The following DTL variants were observed in gnomAD, a reference collection of about 807,000 sequenced individuals.
DTL encodes the protein denticleless E3 ubiquitin protein ligase adapter, also known as denticleless protein homolog.
A neutral mutation model predicts 87.0 loss-of-function variants in DTL; 46 were observed. The observed-to-expected ratio is 0.53, with a 90% CI of 0.42 to 0.68. The LOEUF is 0.68. Ranked by LOEUF, DTL falls within the 30% of genes least tolerant of loss-of-function variation. The pLI is 0.00. For missense variants in DTL, 737 were observed against 869.4 expected, an observed-to-expected ratio of 0.85 and a Z score of 1.91; for synonymous variants, 308 against 311.2, an observed-to-expected ratio of 0.99 and a Z score of 0.11.
chr1:212,101,330 T>C (rs758421868), intron 14 of DTL, among the ~76,000 whole-genome samples: 6 of 152,234 alleles, frequency 3.9e-5, no homozygotes, highest in Non-Finnish European at 7.3e-5. Context: ...TGCTGTATTT[T>C]ATCTGGCAAC....
chr1:212,078,502 C>A (rs952012848), intron 12 of DTL, among the ~76,000 whole-genome samples: 1 of 152,074 alleles, frequency 6.6e-6, no homozygotes, highest in South Asian at 2.1e-4. Flanking sequence ...ACAGTTATTT[C>A]TTTCCTAAAT....
At position 212,104,308 on chromosome 1, in the gene DTL, T is replaced by C. The variant is rs935500844; in HGVS notation, c.*1368T>C. ...AAAATCTATTCTGACAACTTTTTAATTCCTTTGATCTTATAAGTTAAAGCT... is the reference window on the plus strand; with the variant it reads ...AAAATCTATTCTGACAACTTTTTAACTCCTTTGATCTTATAAGTTAAAGCT... On this transcript the variant is annotated 3_prime_UTR_variant, in exon 15 of 15. Transcript: ENST00000366991. 5 of 132,078 alleles carry C rather than the reference T, an allele frequency of 3.8e-5. No homozygotes were observed. The highest frequency in any genetic ancestry group is 8.3e-5 in the Non-Finnish European group (5 of 59,976). 8.2% of individuals were successfully genotyped at this position (132,078 alleles called of 1,614,324 possible).
chr1:212,068,026 C>T (rs913929466), intron 8 of DTL, among the ~76,000 whole-genome samples, 198 bp from the exon 9 acceptor site: 13 of 152,082 alleles, frequency 8.5e-5, no homozygotes, highest in African/African-American at 3.1e-4. Context: ...CATCTGTTTC[C>T]GTTCTGTCAG....
intron 5 of DTL, among the ~76,000 whole-genome samples, chr1:212,048,324 G>C (rs1667865988): frequency 6.6e-6 from 1 of 152,030 alleles, no homozygotes; most frequent in African/African-American, 2.4e-5. Flanking sequence ...AAGTACCTGG[G>C]AGGGATTACA....
intron 1 of DTL, among the ~76,000 whole-genome samples, chr1:212,036,868 G>T (rs1206493865): frequency 1.3e-5 from 2 of 152,158 alleles, no homozygotes; most frequent in African/African-American, 4.8e-5. Context: ...TGTGGAAAAC[G>T]AACCTGAGAA....
chr1:212,053,148 A>C lies in DTL; in HGVS notation c.460+5731A>C, dbSNP rs556267496. ...GTTCTATTTTTCTCTCTCTTCTTCA[A>C]ATTGAATGATTTCTATTAATTTGTC... is the stretch of plus-strand genomic sequence containing the variant. On this transcript the variant is annotated intron_variant, in intron 5 of 14. Transcript: ENST00000366991. 2.7e-4 allele frequency among the ~76,000 whole-genome samples: 41 copies of C among 152,142 alleles called. 1 individual carries two copies. The East Asian group carries it at 3.5e-3, about 13-fold the overall frequency.
intron 13 of DTL, 83 bp downstream of exon 13, chr1:212,080,833 C>G: frequency 2.1e-6 from 3 of 1,439,846 alleles, no homozygotes; most frequent in Non-Finnish European, 1.9e-6. Flanking sequence ...TAGATTTGAT[C>G]TTGCTTTGGT....
Position 212,103,448 on chromosome 1 carries a change from G to A in DTL, c.*508G>A, listed in dbSNP as rs1655684278. 6.6e-6 allele frequency: 1 copy of A among 151,956 alleles called. No homozygotes were observed. The highest frequency in any genetic ancestry group is 2.4e-5 in the African/African-American group (1 of 41,342). The allele number at this position is 151,956 out of a possible 1,614,324, so 9.4% of individuals were successfully genotyped here. A position where few individuals can be genotyped will look rare whatever the true frequency, so the allele number is the denominator to read the frequency against. On this transcript the variant is annotated 3_prime_UTR_variant, in exon 15 of 15. Coordinates refer to ENST00000366991, the MANE Select transcript of DTL (RefSeq NM_016448.4). ...TAATCTTTTCACTATGCTTTTGTGG[G>A]GTTTTTTTTAAGTATGTGTAAAAAT...
At chr1:212,037,331 A>G (rs540430385) in intron 1 of DTL, among the ~76,000 whole-genome samples, 17 of 152,314 alleles carry the variant, frequency 1.1e-4, no homozygotes, top group African/African-American at 3.9e-4. Context: ...AAATCTATAG[A>G]ATCATCTCCT....
chr1:212,078,128 A>G, intron 11 of DTL, 45 bp from the exon 12 acceptor site: 1 of 1,210,014 alleles, frequency 8.3e-7, no homozygotes, highest in Non-Finnish European at 1.2e-6. Flanking sequence ...CTATCTGGGA[A>G]ATCTAATATT....
rs2102521659 is a variant in DTL at position 212,038,484 on chromosome 1, T to G, written c.52+2542T>G. On this transcript the variant is annotated intron_variant, in intron 1 of 14. Transcript: ENST00000366991. ...AAACCTGCCAGAAACCTGAGTAAAT[T>G]AAAGACTTCTTCATCTTCCTCACAG... Among the ~76,000 whole-genome samples the G allele has an allele frequency of 1.3e-5, 2 of 152,372 alleles. 1 individual carries two copies. Among genetic ancestry groups the G allele is most frequent in the South Asian group, 4.1e-4 (2 of 4,832 alleles).
chr1:212,073,666 CACAGGGTGGA>C (rs1247367566), intron 11 of DTL, among the ~76,000 whole-genome samples: 3 of 152,098 alleles, frequency 2.0e-5, no homozygotes, highest in African/African-American at 7.2e-5. Flanking sequence ...CCTAAATAGT[CACAGGGTGGA>C]AATATTGCTC....
At position 212,100,413 on chromosome 1, in the gene DTL, A is replaced by G; in HGVS notation, c.1423A>G (p.Lys475Glu). ...PTFSIKTSPAKARSPINRRGS... is the reference protein window; with the variant it reads ...PTFSIKTSPAEARSPINRRGS... ...GTTCTCTATTAAAACCTCTCCTGCC[A>G]AGGCCCGGTCTCCCATCAACAGAAG... Residue 475 changes from lysine (K) to glutamate (E), a missense_variant, in exon 14 of 15, where the codon AAG (lysine) becomes GAG (glutamate). Lys to Glu is a moderately conservative substitution (Grantham distance 56). Coordinates refer to ENST00000366991, the MANE Select transcript of DTL (RefSeq NM_016448.4). The G allele has an allele frequency of 6.2e-7, 1 of 1,613,896 alleles. No homozygotes were observed. The highest frequency in any genetic ancestry group is 8.5e-7 in the Non-Finnish European group (1 of 1,179,952).
chr1:212,054,409 A>AC (rs199778637), intron 5 of DTL, among the ~76,000 whole-genome samples: 1,689 of 147,770 alleles, frequency 0.011, 32 homozygotes, highest in African/African-American at 0.04. Context: ...CACACACACA[A>AC]AAAAAAAAAA....
intron 5 of DTL, among the ~76,000 whole-genome samples, chr1:212,061,858 G>T (rs77237093): frequency 0.026 from 3,994 of 152,252 alleles, 59 homozygotes; most frequent in African/African-American, 0.047. Context: ...GAAAGTGAGT[G>T]GGTGTGAGGG....
chr1:212,057,955 T>C (rs1023454551), intron 5 of DTL, among the ~76,000 whole-genome samples: 4 of 152,144 alleles, frequency 2.6e-5, no homozygotes, highest in Non-Finnish European at 5.9e-5. Flanking sequence ...AAAACAGACT[T>C]TATGTCAAAA....
At chr1:212,045,433 A>G (rs1420871656) in intron 3 of DTL, among the ~76,000 whole-genome samples, 1 of 152,252 alleles carries the variant, frequency 6.6e-6, no homozygotes, top group African/African-American at 2.4e-5. Flanking sequence ...ATGTGATTAG[A>G]GAAGTGTTGC....
rs183364266 is a variant in DTL, at chr1:212,087,616, C to G, written c.1261+6866C>G. Among the ~76,000 whole-genome samples, 114 of 152,156 alleles carry G rather than the reference C, an allele frequency of 7.5e-4. 1 individual carries two copies. Among genetic ancestry groups the G allele is most frequent in the African/African-American group, 1.9e-3 (80 of 41,520 alleles). Reference sequence around the variant, plus strand: ...GTTAAGATCAGAGTAAGAGTTATGCCTAGATTACTCCATTTCTGGGTGATG... The same window carrying G: ...GTTAAGATCAGAGTAAGAGTTATGCGTAGATTACTCCATTTCTGGGTGATG... On this transcript the variant is annotated intron_variant, in intron 13 of 14. Coordinates refer to ENST00000366991, the MANE Select transcript of DTL (RefSeq NM_016448.4).
chr1:212,063,036 A>G, intron 6 of DTL, 87 bp downstream of exon 6: 1 of 991,050 alleles, frequency 1.0e-6, no homozygotes, highest in East Asian at 2.5e-5. Context: ...TCATCTGATT[A>G]CCACCAGGGG....
Sources: allele counts gnomAD v4.1 joint callset (sites outside exome capture counted in the v4.1 genomes callset), GRCh38; gene constraint gnomAD v4.1.1; transcripts MANE v1.5; gene names NCBI Gene and HGNC (gene_info 2026-07-23, HGNC 2026-07-21).